The following ERCC6 variants were observed in gnomAD, a reference collection of about 807,000 sequenced individuals.
ERCC6 encodes DNA excision repair protein ERCC-6.
In ERCC6, 116 loss-of-function variants were observed where a neutral mutation model predicts 158.7. The ratio of observed to expected loss-of-function variants is 0.73; its 90% confidence interval spans 0.63 to 0.85. The LOEUF is 0.85. ERCC6 is among the 40% of genes least tolerant of loss of function. The pLI, the probability that ERCC6 is intolerant of heterozygous loss-of-function variation, is 0.00. For missense variants in ERCC6, 1,698 were observed against 1,799.4 expected, an observed-to-expected ratio of 0.94 and a Z score of 1.02; for synonymous variants, 678 against 659.3, an observed-to-expected ratio of 1.03 and a Z score of -0.43.
rs1850467398 is a variant in ERCC6, at chr10:49,455,302, CATTAT to C, written c.*3508_*3512del. ...GGCCTATCATAACACTAATCAGAAACATTATATTAATTATAAAGAGGTCTATTATT... is the reference window on the plus strand; with the variant it reads ...GGCCTATCATAACACTAATCAGAAACATTAATTATAAAGAGGTCTATTATT... On this transcript the variant is annotated 3_prime_UTR_variant, in exon 21 of 21. Coordinates refer to ENST00000355832, the MANE Select transcript of ERCC6 (RefSeq NM_000124.4). The C allele has an allele frequency of 6.6e-6, 1 of 152,062 alleles. No individual in the cohort carries two copies. Among genetic ancestry groups the C allele is most frequent in the South Asian group, 2.1e-4 (1 of 4,824 alleles). The allele number at this position is 152,062 out of a possible 1,614,324, so 9.4% of individuals were successfully genotyped here.
At chr10:49,476,424 A>G in intron 11 of ERCC6, 114 bp from the exon 12 acceptor site, 1 of 706,190 alleles carries the variant, frequency 1.4e-6, no homozygotes, top group South Asian at 1.6e-5. Flanking sequence ...GATTTTAATG[A>G]TATCCCTATT....
At chr10:49,463,173 AAC>A (rs4253214) in intron 18 of ERCC6, among the ~76,000 whole-genome samples, 1,794 of 152,286 alleles carry the variant, frequency 0.012, 40 homozygotes, top group African/African-American at 0.041. Context: ...CCCAAGTCTA[AAC>A]ACAAAATGTA....
rs1203612958 is a variant in ERCC6, at chr10:49,473,946, CT to C, written c.2598+80del. 7.9e-6 allele frequency: 10 copies of C among 1,270,826 alleles called. No homozygotes were observed. In the African/African-American group the frequency reaches 1.5e-4, roughly 19 times the overall value. 78.7% of individuals were successfully genotyped at this position (1,270,826 alleles called of 1,614,324 possible). ...TGGTAGACTTGCTTCAGAATCATTA[CT>C]TTAGATTGAATCCCATTTTGTGAGT... is the stretch of plus-strand genomic sequence containing the variant. On this transcript the variant is annotated intron_variant, in intron 13 of 20. Transcript: ENST00000355832.
chr10:49,471,211 C>T, intron 16 of ERCC6, 91 bp from the exon 17 acceptor site: 1 of 1,285,382 alleles, frequency 7.8e-7, no homozygotes, highest in Non-Finnish European at 1.1e-6. Context: ...GAGATGATAA[C>T]AGCTGCTGCA....
At chr10:49,512,951 G>C (rs1179525178) in intron 5 of ERCC6, among the ~76,000 whole-genome samples, 1 of 152,176 alleles carries the variant, frequency 6.6e-6, no homozygotes, top group East Asian at 1.9e-4. Context: ...GCCTTTACTT[G>C]TGAAAGGTCA....
chr10:49,485,355 T>C (rs759021405), intron 8 of ERCC6, among the ~76,000 whole-genome samples: 3 of 152,196 alleles, frequency 2.0e-5, no homozygotes, highest in Non-Finnish European at 4.4e-5. Flanking sequence ...TAGGCTACAC[T>C]ACCTCCTACT....
At position 49,473,006 on chromosome 10, in the gene ERCC6, A is replaced by C; in HGVS notation, c.2732T>G (p.Leu911Arg). The C allele has an allele frequency of 6.2e-7, 1 of 1,614,166 alleles. No homozygotes were observed. The highest frequency in any genetic ancestry group is 8.5e-7 in the Non-Finnish European group (1 of 1,180,024). Reference protein sequence around the residue: ...YNEDTSIFVFLLTTRVGGLGV... With the variant: ...YNEDTSIFVFRLTTRVGGLGV... ...TAAGCCGCCCACCCGCGTGGTCAGA[A>C]GAAACACAAATATGGATGTGTCCTA... is the stretch of plus-strand genomic sequence containing the variant. Residue 911 changes from leucine to arginine, a missense_variant, in exon 15 of 21, where the codon CTT becomes CGT. By Grantham distance (102) the Leu-to-Arg change is moderately radical. Transcript: ENST00000355832.
chr10:49,479,132 C>A (rs1385031434), intron 10 of ERCC6, among the ~76,000 whole-genome samples: 1 of 151,588 alleles, frequency 6.6e-6, no homozygotes, highest in Non-Finnish European at 1.5e-5. Context: ...CCCCACAGCC[C>A]AGAAAACCAC....
rs543202976 is a variant in ERCC6, at chr10:49,526,568, T to C, written c.653-1791A>G. 3.7e-4 allele frequency among the ~76,000 whole-genome samples: 57 copies of C among 152,306 alleles called. No homozygotes were observed. In the South Asian group the frequency reaches 0.012, roughly 32 times the overall value. ...TCTGATGAACAGAAGTTCTTGGTTT[T>C]ATATATAGTCCATTTAACAAATCTT... is the stretch of plus-strand genomic sequence containing the variant. On this transcript the variant is annotated intron_variant, in intron 4 of 20. Transcript: ENST00000355832.
chr10:49,478,230 T>C, intron 11 of ERCC6, 124 bp downstream of exon 11: 1 of 816,854 alleles, frequency 1.2e-6, no homozygotes, highest in Non-Finnish European at 2.2e-6. Context: ...ACAGCGGGCC[T>C]AGCCTGCCCA....
rs200700501 is a variant in ERCC6, at chr10:49,516,390, T to C, written c.1397+7643A>G. 14 of 1,614,168 alleles carry C rather than the reference T, an allele frequency of 8.7e-6. 1 individual carries two copies. The Middle Eastern group carries it at 4.9e-4, about 57-fold the overall frequency. On this transcript the variant is annotated intron_variant, in intron 5 of 20. Transcript: ENST00000355832. ...TATGAGAGGTCGCAATTTGGAAAAT[T>C]TGTCCACTGGATCCAAATTTGCATT...
At chr10:49,472,240 A>G (rs1193862467) in intron 16 of ERCC6, 136 bp downstream of exon 16, 1 of 844,462 alleles carries the variant, frequency 1.2e-6, no homozygotes, top group Non-Finnish European at 2.0e-6. Flanking sequence ...AAAAAATACA[A>G]AACAAAAACC....
At chr10:49,515,119 T>C (rs1836907304) in intron 5 of ERCC6, 3 of 1,147,576 alleles carry the variant, frequency 2.6e-6, no homozygotes, top group Non-Finnish European at 3.4e-6. Flanking sequence ...CTTTAACCCA[T>C]TTATGTCTGA....
intron 7 of ERCC6, among the ~76,000 whole-genome samples, chr10:49,495,835 C>T (rs1437755365): frequency 6.6e-6 from 1 of 152,172 alleles, no homozygotes. Context: ...CCAGGTCCAG[C>T]CACTCTCCTC....
chr10:49,435,214 C>CA, the ERCC6 span, among the ~76,000 whole-genome samples: 1 of 151,972 alleles, frequency 6.6e-6, no homozygotes, highest in South Asian at 2.1e-4. Flanking sequence ...ACAGAAAAAT[C>CA]AAAAACTGAT....
downstream of ERCC6, among the ~76,000 whole-genome samples, chr10:49,449,465 A>C (rs1850394157): frequency 6.6e-6 from 1 of 150,922 alleles, no homozygotes; most frequent in Non-Finnish European, 1.5e-5. Flanking sequence ...TTGTGTTTTT[A>C]ATGTCATATC....
chr10:49,460,628 A>T (rs1026540173), intron 19 of ERCC6, among the ~76,000 whole-genome samples, 177 bp from the exon 20 acceptor site: 1 of 152,162 alleles, frequency 6.6e-6, no homozygotes, highest in Admixed American at 6.5e-5. Flanking sequence ...CCCTCCTAGA[A>T]AGTAACTGCT....
At chr10:49,473,137 T>C in intron 14 of ERCC6, 109 bp from the exon 15 acceptor site, 6 of 1,447,512 alleles carry the variant, frequency 4.1e-6, no homozygotes, top group Non-Finnish European at 5.8e-6. Context: ...GTTCCCAATA[T>C]AAGGAATGGT....
chr10:49,518,305 G>A (rs537192302), intron 5 of ERCC6, among the ~76,000 whole-genome samples: 47 of 152,328 alleles, frequency 3.1e-4, no homozygotes, highest in African/African-American at 1.1e-3. Flanking sequence ...GCTTGTCCGA[G>A]TCTGCTGCAG....
Sources: gnomAD v4.1 joint callset for allele counts (sites outside exome capture counted in the v4.1 genomes callset) on GRCh38, gnomAD v4.1.1 for gene constraint, MANE v1.5 for transcripts, NCBI Gene and HGNC (gene_info 2026-07-23, HGNC 2026-07-21) for gene names.